EXT1: variants seen among roughly 807,000 people sequenced by gnomAD.
The protein encoded by EXT1 is exostosin glycosyltransferase 1, also known as exostosin-1.
Under a neutral mutation model 82.5 loss-of-function variants are expected in EXT1, and 20 were observed. That is an observed-to-expected ratio of 0.24 (90% confidence interval 0.17 to 0.35). The LOEUF (loss-of-function observed/expected upper bound fraction) is 0.35, where lower values mean the gene tolerates loss of function less well. Ranked by LOEUF, EXT1 falls within the 10% of genes least tolerant of loss-of-function variation. The pLI is 1.00. For synonymous variants in EXT1, 348 were observed against 350.8 expected (o/e 0.99, Z 0.09); for missense variants, 757 against 936.5 (o/e 0.81, Z 2.50).
chr8:118,070,226 C>CTGTGTGTGTGTGTG (rs36229782), intron 1 of EXT1, among the ~76,000 whole-genome samples: 63 of 133,434 alleles, frequency 4.7e-4, no homozygotes, highest in East Asian at 1.6e-3. Flanking sequence ...TCATAAATTT[C>CTGTGTGTGTGTGTG]TGTGTGTGTG....
At chr8:118,048,662 C>G (rs1401132335) in intron 1 of EXT1, among the ~76,000 whole-genome samples, 1 of 152,036 alleles carries the variant, frequency 6.6e-6, no homozygotes, top group East Asian at 1.9e-4. Context: ...TGAACTATGT[C>G]TACTATAATA....
Position 118,046,975 on chromosome 8 carries a change from G to C in EXT1, c.962+63110C>G, listed in dbSNP as rs11562761. ...AAAAATTAGCTGCCAGATTTGGAAT[G>C]GTGTGTTTCTGTGGAGGAGGGGCAG... On this transcript the variant is annotated intron_variant, in intron 1 of 10. Coordinates refer to ENST00000378204, the MANE Select transcript of EXT1 (RefSeq NM_000127.3). 8.9e-3 allele frequency among the ~76,000 whole-genome samples: 1,350 copies of C among 152,212 alleles called. 14 individuals carry two copies. The highest frequency in any genetic ancestry group is 0.053 in the East Asian group (275 of 5,168).
At chr8:118,005,294 C>T (rs903467215) in intron 1 of EXT1, among the ~76,000 whole-genome samples, 2 of 152,136 alleles carry the variant, frequency 1.3e-5, no homozygotes, top group Admixed American at 6.6e-5. Context: ...GTGCTCAGCC[C>T]AAAGGGTACA....
chr8:117,864,668 G>A (rs7827094), intron 1 of EXT1, among the ~76,000 whole-genome samples: 37,404 of 149,852 alleles, frequency 0.25, 4,943 homozygotes, highest in African/African-American at 0.34. Context: ...AGAATGGCGT[G>A]AACCCAGGAG....
intron 1 of EXT1, among the ~76,000 whole-genome samples, chr8:117,962,775 A>AG (rs1275351867): frequency 9.0e-5 from 13 of 144,598 alleles, no homozygotes; most frequent in African/African-American, 3.4e-4. Context: ...ACCCCCAAAA[A>AG]AAAGAGAAAA....
intron 1 of EXT1, among the ~76,000 whole-genome samples, chr8:117,891,667 T>C (rs2129944440): frequency 6.6e-6 from 1 of 152,270 alleles, no homozygotes; most frequent in Non-Finnish European, 1.5e-5. Flanking sequence ...GCAGCACCAC[T>C]TGTCATTGCG....
intron 1 of EXT1, among the ~76,000 whole-genome samples, chr8:117,918,608 C>T (rs1442407951): frequency 6.6e-6 from 1 of 152,220 alleles, no homozygotes; most frequent in East Asian, 1.9e-4. Context: ...CCTGAAACTT[C>T]TGCTTTTGCT....
chr8:118,063,855 TTTAC>T (rs1260790579), intron 1 of EXT1, among the ~76,000 whole-genome samples: 10 of 147,078 alleles, frequency 6.8e-5, no homozygotes, highest in African/African-American at 2.7e-4. Context: ...ACTTTATTTA[TTTAC>T]TTATTTATTT....
chr8:117,857,072 T>C (rs770710750), intron 1 of EXT1, among the ~76,000 whole-genome samples: 2 of 152,256 alleles, frequency 1.3e-5, no homozygotes, highest in Non-Finnish European at 2.9e-5. Flanking sequence ...CACATCTGTT[T>C]ACAGCATGGT....
chr8:117,972,423 A>G (rs1241998185), intron 1 of EXT1, among the ~76,000 whole-genome samples: 2 of 152,226 alleles, frequency 1.3e-5, no homozygotes, highest in African/African-American at 4.8e-5. Flanking sequence ...AGGAAAGGTC[A>G]ATTGCTAGAC....
At chr8:118,038,060 A>T (rs1425122429) in intron 1 of EXT1, among the ~76,000 whole-genome samples, 3 of 152,022 alleles carry the variant, frequency 2.0e-5, no homozygotes, top group Admixed American at 1.3e-4. Context: ...TCCTGACCAC[A>T]GGTGATTCAC....
At chr8:117,835,674 C>A in intron 2 of EXT1, 123 bp from the exon 3 acceptor site, 2 of 745,396 alleles carry the variant, frequency 2.7e-6, no homozygotes, top group Non-Finnish European at 4.8e-6. Flanking sequence ...TCCTGGACTG[C>A]CTAGGCCAGA....
chr8:117,895,835 G>T (rs1827038941), intron 1 of EXT1, among the ~76,000 whole-genome samples: 1 of 151,780 alleles, frequency 6.6e-6, no homozygotes. Context: ...CCTCCTTTTT[G>T]CTCCCTGCCT....
intron 1 of EXT1, among the ~76,000 whole-genome samples, chr8:118,090,141 G>A (rs761539304): frequency 1.5e-4 from 23 of 152,200 alleles, no homozygotes; most frequent in Non-Finnish European, 3.4e-4. Context: ...AGCCAAGTAG[G>A]CCACAAGTGG....
chr8:118,017,127 G>A (rs1252428337), intron 1 of EXT1, among the ~76,000 whole-genome samples: 3 of 152,108 alleles, frequency 2.0e-5, no homozygotes, highest in South Asian at 2.1e-4. Flanking sequence ...CATCTTGAAC[G>A]GAAAATACTG....
At chr8:118,077,258 C>G (rs1817229088) in intron 1 of EXT1, among the ~76,000 whole-genome samples, 1 of 152,228 alleles carries the variant, frequency 6.6e-6, no homozygotes, top group African/African-American at 2.4e-5. Context: ...GGACCACCAC[C>G]AGGCTTTCCA....
intron 1 of EXT1, among the ~76,000 whole-genome samples, chr8:118,049,111 A>C (rs575666323): frequency 5.1e-4 from 77 of 152,360 alleles, no homozygotes; most frequent in Non-Finnish European, 9.7e-4. Context: ...AATATTTTTA[A>C]AAGAAAAAAA....
At chr8:117,930,091 G>C (rs1467545880) in intron 1 of EXT1, among the ~76,000 whole-genome samples, 2 of 150,062 alleles carry the variant, frequency 1.3e-5, no homozygotes, top group Non-Finnish European at 2.9e-5. Context: ...GCAACAGAGA[G>C]AGACTCCATC....
In EXT1 at chr8:118,110,605, G is replaced by T; in HGVS notation, c.442C>A (p.Pro148Thr). 6.2e-7 allele frequency: 1 copy of T among 1,614,178 alleles called. No homozygotes were observed. The highest frequency in any genetic ancestry group is 8.5e-7 in the Non-Finnish European group (1 of 1,180,034). The change falls in exon 1 of 11, where the codon CCC becomes ACC. Residue 148 changes from proline to threonine, a missense_variant. Coordinates refer to ENST00000378204, the MANE Select transcript of EXT1 (RefSeq NM_000127.3). ...AGGACAAAGAGGCACGCCTGGCTGG[G>T]GTCCGAGGTGTAGAACCTGGAGCCC... is the stretch of plus-strand genomic sequence containing the variant. ...IEGSRFYTSD[P>T]SQACLFVLSL...
Sources: gnomAD v4.1 joint callset for allele counts (sites outside exome capture counted in the v4.1 genomes callset) on GRCh38, gnomAD v4.1.1 for gene constraint, MANE v1.5 for transcripts, NCBI Gene and HGNC (gene_info 2026-07-23, HGNC 2026-07-21) for gene names.